BPGM: variants seen among roughly 807,000 people sequenced by gnomAD.
The protein encoded by BPGM is bisphosphoglycerate mutase, also known as 2,3-bisphosphoglycerate mutase, erythrocyte.
A neutral mutation model predicts 21.6 loss-of-function variants in BPGM; 15 were observed. The ratio of observed to expected loss-of-function variants is 0.70; its 90% CI spans 0.47 to 1.07. The LOEUF (loss-of-function observed/expected upper bound fraction) is 1.07, where lower values mean the gene tolerates loss of function less well. BPGM is among the 50% of genes least tolerant of loss of function. BPGM has a pLI of 0.00. For missense variants in BPGM, 273 were observed against 319.0 expected (o/e 0.86, Z 1.10); for synonymous variants, 113 against 116.2 (o/e 0.97, Z 0.18).
At position 134,661,860 on chromosome 7, in the gene BPGM, G is replaced by A. The variant is rs370270863; in HGVS notation, c.353G>A (p.Ser118Asn). 6.2e-7 allele frequency: 1 copy of A among 1,607,666 alleles called. No homozygotes were observed. The highest frequency in any genetic ancestry group is 1.1e-5 in the South Asian group (1 of 90,486). ...GAACAAGTGAGGCTCTGGAGAAGAA[G>A]CTACAATGTAACCCCGCCTCCCATT... is the stretch of plus-strand genomic sequence containing the variant. Reference protein sequence around the residue: ...GEEQVRLWRRSYNVTPPPIEE... With the variant: ...GEEQVRLWRRNYNVTPPPIEE... Residue 118 changes from serine to asparagine, a missense_variant, in exon 2 of 3, where the codon AGC becomes AAC. Physicochemically the swap from Ser to Asn is conservative, Grantham distance 46 (BLOSUM62 1). Transcript: ENST00000344924. The surrounding 1 kb of genome is among the most constrained non-coding windows in gnomAD (Gnocchi z 4.6).
In BPGM at chr7:134,679,151, G is replaced by A. The variant is rs940556625; in HGVS notation, c.*120G>A. The A allele has an allele frequency of 2.6e-6, 3 of 1,168,690 alleles. No individual in the cohort carries two copies. Among genetic ancestry groups the A allele is most frequent in the African/African-American group, 1.5e-5 (1 of 65,148 alleles). 72.4% of individuals were successfully genotyped at this position (1,168,690 alleles called of 1,614,324 possible). On this transcript the variant is annotated 3_prime_UTR_variant, in exon 3 of 3. Transcript: ENST00000344924. ...AGAGCTAGGCTGTGGAGTAGAGTTTGTATAGGTAACTAGGTAACTTATTGT... is the reference window on the plus strand; with the variant it reads ...AGAGCTAGGCTGTGGAGTAGAGTTTATATAGGTAACTAGGTAACTTATTGT...
In BPGM at chr7:134,657,150, T is replaced by C. The variant is rs560670133; in HGVS notation, c.-61-4297T>C. Among the ~76,000 whole-genome samples, 5 of 152,344 alleles carry C rather than the reference T, an allele frequency of 3.3e-5. No homozygotes were observed. The East Asian group carries it at 9.6e-4, about 29-fold the overall frequency. The stretch of plus-strand genomic sequence containing the variant: ...TTTGGACCTATAGGATTCATGTGGC[T>C]TGTAGAAAATTTAAAACTTCATTGT... On this transcript the variant is annotated intron_variant, in intron 1 of 2. Coordinates refer to ENST00000344924, the MANE Select transcript of BPGM (RefSeq NM_001724.5).
At chr7:134,670,558 G>A (rs763860871) in intron 2 of BPGM, among the ~76,000 whole-genome samples, 3 of 151,872 alleles carry the variant, frequency 2.0e-5, no homozygotes, top group Non-Finnish European at 2.9e-5. Context: ...TTATTTTATC[G>A]TGTTATTCAA....
intron 2 of BPGM, among the ~76,000 whole-genome samples, chr7:134,667,168 TA>T (rs1455392770): frequency 6.6e-6 from 1 of 152,194 alleles, no homozygotes. Context: ...CCCTACTGTT[TA>T]GGGGGGAAAT....
chr7:134,679,401 G>T lies in BPGM; in HGVS notation c.*370G>T, dbSNP rs1796030543. 4.4e-6 allele frequency: 1 copy of T among 228,552 alleles called. No homozygotes were observed. The highest frequency in any genetic ancestry group is 2.3e-5 in the African/African-American group (1 of 43,848). 14.2% of individuals were successfully genotyped at this position (228,552 alleles called of 1,614,324 possible). On this transcript the variant is annotated 3_prime_UTR_variant, in exon 3 of 3. Transcript: ENST00000344924. ...TTGACAGGCACTATTCTAATCAGTA[G>T]TTCACTTTAATATTTAATAAGATTT...
chr7:134,653,909 C>G (rs980516810), intron 1 of BPGM, among the ~76,000 whole-genome samples: 2 of 152,124 alleles, frequency 1.3e-5, no homozygotes, highest in Non-Finnish European at 2.9e-5. Context: ...TGAATGGGCT[C>G]GCCATTTTCC....
At chr7:134,672,251 G>T (rs949910363) in intron 2 of BPGM, among the ~76,000 whole-genome samples, 1 of 151,536 alleles carries the variant, frequency 6.6e-6, no homozygotes, top group African/African-American at 2.4e-5. Context: ...CAGACTTTAA[G>T]TATTTAACAC....
chr7:134,670,650 A>G (rs1474365465), intron 2 of BPGM, among the ~76,000 whole-genome samples: 1 of 152,042 alleles, frequency 6.6e-6, no homozygotes, highest in African/African-American at 2.4e-5. Flanking sequence ...TGAAACTCTG[A>G]ATCTCTAGTT....
chr7:134,671,238 A>G (rs1201728208), intron 2 of BPGM, among the ~76,000 whole-genome samples: 1 of 152,170 alleles, frequency 6.6e-6, no homozygotes, highest in Non-Finnish European at 1.5e-5. Flanking sequence ...TGAGACACAC[A>G]AGGTCCTTTT....
intron 2 of BPGM, among the ~76,000 whole-genome samples, chr7:134,677,140 GA>G (rs1795993033): frequency 6.6e-6 from 1 of 152,176 alleles, no homozygotes; most frequent in Non-Finnish European, 1.5e-5. Flanking sequence ...TCCTAATAGA[GA>G]AAGAAGAGAC....
chr7:134,648,382 G>A (rs901821744), intron 1 of BPGM, among the ~76,000 whole-genome samples: 13 of 152,096 alleles, frequency 8.5e-5, no homozygotes, highest in African/African-American at 3.1e-4. Flanking sequence ...TGATCTGCCT[G>A]CCTCGGCCTC....
At position 134,678,983 on chromosome 7, in the gene BPGM, C is replaced by A; in HGVS notation, c.732C>A (p.Ala244=). The change falls in exon 3 of 3, where the codon GCC becomes GCA. Residue 244 remains alanine (A), a synonymous_variant. Transcript: ENST00000344924. ...GTGACCAAGAGGCGATCCAAGCAGCCATTAAGAAAGTAGAAGATCAAGGAA... is the reference window on the plus strand; with the variant it reads ...GTGACCAAGAGGCGATCCAAGCAGCAATTAAGAAAGTAGAAGATCAAGGAA... ...FLGDQEAIQA[A]IKKVEDQGKV... 6.2e-7 allele frequency: 1 copy of A among 1,614,106 alleles called. No homozygotes were observed. The highest frequency in any genetic ancestry group is 1.1e-5 in the South Asian group (1 of 91,086).
intron 2 of BPGM, among the ~76,000 whole-genome samples, chr7:134,670,933 T>G (rs2131453053): frequency 6.6e-6 from 1 of 152,352 alleles, no homozygotes; most frequent in Non-Finnish European, 1.5e-5. Context: ...TCAAAGATTT[T>G]GAACACTTTG....
chr7:134,672,577 C>T (rs1795922519), intron 2 of BPGM, among the ~76,000 whole-genome samples: 1 of 152,278 alleles, frequency 6.6e-6, no homozygotes, highest in Non-Finnish European at 1.5e-5. Context: ...AGGGTGAGAA[C>T]TCAGCAGTGT....
intron 1 of BPGM, among the ~76,000 whole-genome samples, chr7:134,650,230 A>C (rs2131412258): frequency 6.6e-6 from 1 of 152,312 alleles, no homozygotes; most frequent in South Asian, 2.1e-4. Context: ...GATAGGAAGG[A>C]GGGGTCCGTC....
At chr7:134,650,907 A>T (rs1356103118) in intron 1 of BPGM, among the ~76,000 whole-genome samples, 3 of 152,376 alleles carry the variant, frequency 2.0e-5, no homozygotes, top group East Asian at 3.9e-4. Flanking sequence ...CCTGGGCGAC[A>T]GAGTGAGACT....
chr7:134,677,431 A>T (rs1795998768), intron 2 of BPGM, among the ~76,000 whole-genome samples: 1 of 152,068 alleles, frequency 6.6e-6, no homozygotes, highest in Admixed American at 6.5e-5. Context: ...TAGTTGTTTG[A>T]GTATGGATAG....
intron 1 of BPGM, among the ~76,000 whole-genome samples, chr7:134,651,633 T>G (rs964464797): frequency 1.3e-5 from 2 of 152,160 alleles, no homozygotes; most frequent in African/African-American, 4.8e-5. Context: ...GTAAATGCAG[T>G]GCCTTGCAAG....
intron 1 of BPGM, among the ~76,000 whole-genome samples, chr7:134,657,870 A>G (rs1226506965): frequency 2.0e-5 from 3 of 152,140 alleles, no homozygotes; most frequent in African/African-American, 7.2e-5. Flanking sequence ...GTGTTGGGCA[A>G]TAACAGGAAA....
Sources: gnomAD v4.1 joint callset for allele counts (sites outside exome capture counted in the v4.1 genomes callset) on GRCh38, gnomAD v4.1.1 for gene constraint, Gnocchi (gnomAD v3.1) non-coding constraint, MANE v1.5 for transcripts, NCBI Gene and HGNC (gene_info 2026-07-23, HGNC 2026-07-21) for gene names.